The following SLC17A3 variants were observed in gnomAD, a reference collection of about 807,000 sequenced individuals.
SLC17A3 encodes the protein solute carrier family 17 member 3, also known as sodium-dependent phosphate transport protein 4.
A neutral mutation model predicts 60.3 loss-of-function variants in SLC17A3; 61 were observed. That is an observed-to-expected ratio of 1.01 (90% CI 0.82 to 1.25). SLC17A3 has a LOEUF of 1.25. SLC17A3 is among the 50% of genes most tolerant of loss of function. SLC17A3 has a pLI of 0.00. For synonymous variants in SLC17A3, 192 were observed against 208.9 expected (o/e 0.92, Z 0.70); for missense variants, 624 against 594.9 (o/e 1.05, Z -0.51).
intron 2 of SLC17A3, among the ~76,000 whole-genome samples, chr6:25,863,506 T>A (rs917290571): frequency 6.6e-6 from 1 of 152,100 alleles, no homozygotes; most frequent in Non-Finnish European, 1.5e-5. Flanking sequence ...TTCACTTTTT[T>A]CTGTGTGGGA....
At chr6:25,859,197 T>C (rs1444592864) in intron 5 of SLC17A3, among the ~76,000 whole-genome samples, 1 of 152,220 alleles carries the variant, frequency 6.6e-6, no homozygotes, top group African/African-American at 2.4e-5. Context: ...ACCATGTTTA[T>C]CTTTGAATAT....
At chr6:25,852,513 A>G (rs1452541044) in intron 6 of SLC17A3, among the ~76,000 whole-genome samples, 1 of 152,000 alleles carries the variant, frequency 6.6e-6, no homozygotes, top group Non-Finnish European at 1.5e-5. Context: ...TTTTAATATT[A>G]TAATTTTCTC....
chr6:25,851,714 A>G (rs796780424), intron 6 of SLC17A3, among the ~76,000 whole-genome samples: 1 of 152,276 alleles, frequency 6.6e-6, no homozygotes, highest in African/African-American at 2.4e-5. Context: ...AGTAAATAGA[A>G]TCATGAGTCT....
Position 25,862,329 on chromosome 6 carries a change from G to A in SLC17A3, c.207C>T (p.Ser69=), listed in dbSNP as rs375972210. ...MNITMVAMVN[S]TSPQSQLNDS... ...CATTGAGCTGGGATTGAGGGCTTGT[G>A]CTGTTGACCATGGCTACCATGGTGA... The change falls in exon 3 of 13, where the codon AGC becomes AGT. Residue 69 remains serine (S), a synonymous_variant. Coordinates refer to ENST00000397060, the MANE Select transcript of SLC17A3 (RefSeq NM_001098486.2). 11 of 1,613,718 alleles carry A rather than the reference G, an allele frequency of 6.8e-6. No homozygotes were observed. The East Asian group carries it at 1.1e-4, about 16-fold the overall frequency.
intron 5 of SLC17A3, among the ~76,000 whole-genome samples, chr6:25,855,551 C>T (rs1189064578): frequency 2.0e-5 from 3 of 152,120 alleles, no homozygotes; most frequent in Non-Finnish European, 4.4e-5. Context: ...ATGTGCCTTC[C>T]TAGCCATTCT....
At chr6:25,870,986 G>A (rs557559924) in intron 1 of SLC17A3, among the ~76,000 whole-genome samples, 51 of 152,130 alleles carry the variant, frequency 3.4e-4, no homozygotes, top group African/African-American at 1.2e-3. Context: ...CCCCATGTTA[G>A]CAGCCAAGAA....
At chr6:25,868,469 T>C in intron 1 of SLC17A3, 49 bp from the exon 2 acceptor site, 1 of 1,205,322 alleles carries the variant, frequency 8.3e-7, no homozygotes, top group Non-Finnish European at 1.2e-6. Context: ...AGAAAGAGAC[T>C]CCCCGTTGAA....
intron 6 of SLC17A3, among the ~76,000 whole-genome samples, chr6:25,853,707 C>T (rs555775978): frequency 1.1e-4 from 16 of 152,138 alleles, no homozygotes; most frequent in Admixed American, 2.0e-4. Flanking sequence ...CGTGAGCCAC[C>T]GCACCCGGCC....
At chr6:25,868,156 A>G (rs1217796263) in intron 2 of SLC17A3, 141 bp downstream of exon 2, 13 of 697,772 alleles carry the variant, frequency 1.9e-5, no homozygotes, top group Non-Finnish European at 3.1e-5. Flanking sequence ...TTTCCTTCAT[A>G]TTTGCAAAAT....
intron 11 of SLC17A3, among the ~76,000 whole-genome samples, chr6:25,848,638 A>G (rs1328265125): frequency 2.6e-5 from 4 of 152,232 alleles, no homozygotes; most frequent in Admixed American, 6.5e-5. Flanking sequence ...ACCTGAAACT[A>G]TAACAATTCT....
chr6:25,869,272 C>T (rs1581533384), intron 1 of SLC17A3, among the ~76,000 whole-genome samples: 2 of 151,896 alleles, frequency 1.3e-5, no homozygotes, highest in Non-Finnish European at 2.9e-5. Flanking sequence ...ATGTTTAGTG[C>T]TCATATTATT....
At chr6:25,851,599 A>AT (rs987232942) in intron 6 of SLC17A3, among the ~76,000 whole-genome samples, 4 of 151,998 alleles carry the variant, frequency 2.6e-5, no homozygotes, top group Non-Finnish European at 2.9e-5. Flanking sequence ...ATGGAAGTTC[A>AT]TTTTTTTGCA....
chr6:25,873,479 A>C (rs1765677516), intron 1 of SLC17A3, among the ~76,000 whole-genome samples: 1 of 152,052 alleles, frequency 6.6e-6, no homozygotes, highest in African/African-American at 2.4e-5. Flanking sequence ...CAGCTGCCAC[A>C]AAAAGTTGTA....
chr6:25,858,564 T>C (rs908731464), intron 5 of SLC17A3, among the ~76,000 whole-genome samples: 4 of 152,152 alleles, frequency 2.6e-5, no homozygotes, highest in African/African-American at 9.7e-5. Flanking sequence ...TCTGTCTAAG[T>C]CCTGAATGCT....
chr6:25,862,459 A>T lies in SLC17A3; in HGVS notation c.92-15T>A. The T allele has an allele frequency of 6.3e-7, 1 of 1,586,178 alleles. No individual in the cohort carries two copies. The highest frequency in any genetic ancestry group is 8.7e-7 in the Non-Finnish European group (1 of 1,154,648). ...TAAACTTGGAACTGGAAATATTATG[A>T]CATCATATTAGTGTTTTTTAAAATT... On this transcript the variant is annotated splice_polypyrimidine_tract_variant and intron_variant, in intron 2 of 12. Transcript: ENST00000397060.
At chr6:25,863,360 G>T (rs1411395468) in intron 2 of SLC17A3, among the ~76,000 whole-genome samples, 1 of 152,074 alleles carries the variant, frequency 6.6e-6, no homozygotes, top group African/African-American at 2.4e-5. Context: ...TATCCTGGCA[G>T]AACACAGCTA....
At position 25,862,273 on chromosome 6, in the gene SLC17A3, A is replaced by C. The variant is rs1765462829; in HGVS notation, c.263T>G (p.Phe88Cys). The C allele has an allele frequency of 6.2e-7, 1 of 1,613,720 alleles. No individual in the cohort carries two copies. The highest frequency in any genetic ancestry group is 1.7e-5 in the Admixed American group (1 of 59,966). The change falls in exon 3 of 13, where the codon TTT (phenylalanine) becomes TGT (cysteine). Residue 88 changes from phenylalanine to cysteine, a missense_variant. Transcript: ENST00000397060. ...CTTTGGGGCTTTACTTAGGCCACCAAATGAGTCAACAGGCAGCACCTCAGA... is the reference window on the plus strand; with the variant it reads ...CTTTGGGGCTTTACTTAGGCCACCACATGAGTCAACAGGCAGCACCTCAGA... ...DSSEVLPVDS[F>C]GGLSKAPKSL...
At chr6:25,847,233 T>G (rs1159906276) in intron 11 of SLC17A3, among the ~76,000 whole-genome samples, 1 of 152,162 alleles carries the variant, frequency 6.6e-6, no homozygotes, top group Non-Finnish European at 1.5e-5. Context: ...CACCATCCAT[T>G]TTCCTACAAA....
Position 25,850,135 on chromosome 6 carries a change from T to C in SLC17A3, c.1036A>G (p.Ile346Val). Residue 346 changes from isoleucine (I) to valine (V), a missense_variant, in exon 9 of 13, where the codon ATA (isoleucine) becomes GTA (valine). Coordinates refer to ENST00000397060, the MANE Select transcript of SLC17A3 (RefSeq NM_001098486.2). ...SALPFIVAWV[I>V]GMVGGYLADF... ...GCCAGATAGCCTCCCACCATGCCTA[T>C]GACCCAGGCAACAATAAAAGGAAGG... 6.2e-7 allele frequency: 1 copy of C among 1,613,398 alleles called. No individual in the cohort carries two copies. Among genetic ancestry groups the C allele is most frequent in the Non-Finnish European group, 8.5e-7 (1 of 1,179,410 alleles).
Sources: gnomAD v4.1 joint callset for allele counts (sites outside exome capture counted in the v4.1 genomes callset) on GRCh38, gnomAD v4.1.1 for gene constraint, MANE v1.5 for transcripts, NCBI Gene and HGNC (gene_info 2026-07-23, HGNC 2026-07-21) for gene names.